The following TET3 variants were observed in gnomAD, a reference collection of about 807,000 sequenced individuals.
TET3 encodes the protein tet methylcytosine dioxygenase 3, also known as methylcytosine dioxygenase TET3.
Under a neutral mutation model 141.4 loss-of-function variants are expected in TET3, and 19 were observed. The observed-to-expected ratio is 0.13, with a 90% CI of 0.09 to 0.20. The LOEUF (loss-of-function observed/expected upper bound fraction) is 0.20. Among genes scored for constraint, TET3 ranks in the 10% least tolerant of loss-of-function variants. The pLI, the probability that TET3 is intolerant of heterozygous loss-of-function variation, is 1.00. For synonymous variants in TET3, 1,043 were observed against 980.9 expected, an observed-to-expected ratio of 1.06 and a Z score of -1.18; for missense variants, 1,874 against 2,356.9, an observed-to-expected ratio of 0.80 and a Z score of 4.24.
chr2:74,006,270 G>A (rs1014549547), intron 3 of TET3, among the ~76,000 whole-genome samples: 1 of 152,232 alleles, frequency 6.6e-6, no homozygotes, highest in African/African-American at 2.4e-5. Context: ...CTAGAGAAGT[G>A]AAGGAACTAA....
At chr2:74,078,573 T>C (rs1456757077) in intron 5 of TET3, among the ~76,000 whole-genome samples, 1 of 152,206 alleles carries the variant, frequency 6.6e-6, no homozygotes, top group Admixed American at 6.5e-5. Flanking sequence ...ATGTTAGACA[T>C]ATAAGTTGTT....
At chr2:74,100,019 C>T (rs1691088586) in intron 11 of TET3, among the ~76,000 whole-genome samples, 1 of 152,176 alleles carries the variant, frequency 6.6e-6, no homozygotes, top group East Asian at 1.9e-4. Flanking sequence ...TTCTCATTCT[C>T]CTGGCCCTGG....
intron 3 of TET3, among the ~76,000 whole-genome samples, chr2:74,015,250 G>A (rs1685667907): frequency 6.6e-6 from 1 of 152,204 alleles, no homozygotes; most frequent in Admixed American, 6.5e-5. Context: ...GGACTTTTGA[G>A]TTCAACCAAG....
At chr2:74,088,492 T>A (rs566077798) in intron 7 of TET3, among the ~76,000 whole-genome samples, 4 of 151,604 alleles carry the variant, frequency 2.6e-5, no homozygotes, top group African/African-American at 9.7e-5. Context: ...AATAAAAAAA[T>A]TAGTCAGGCG....
In TET3 at chr2:74,083,578, G is replaced by C. The variant is rs1689952487; in HGVS notation, c.2679+2987G>C. 2.0e-5 allele frequency among the ~76,000 whole-genome samples: 3 copies of C among 152,298 alleles called. No homozygotes were observed. In the South Asian group the frequency reaches 6.2e-4, roughly 32 times the overall value. ...GAGTTGGAGCCATCTCTCTTGCTCT[G>C]CTCAGGTATGGATGTGTTTGTGCCT... On this transcript the variant is annotated intron_variant, in intron 6 of 11. Coordinates refer to ENST00000409262, the MANE Select transcript of TET3 (RefSeq NM_001287491.2).
intron 3 of TET3, among the ~76,000 whole-genome samples, chr2:74,030,983 C>G (rs566515515): frequency 2.0e-5 from 3 of 151,768 alleles, no homozygotes; most frequent in African/African-American, 7.3e-5. Context: ...AAGGGATGTC[C>G]GGGGGGGAGT....
the TET3 span, among the ~76,000 whole-genome samples, chr2:74,124,255 G>A: frequency 1.3e-4 from 18 of 141,160 alleles, no homozygotes; most frequent in African/African-American, 4.4e-4. Flanking sequence ...CCCCGTCCGG[G>A]AGGGAGGTGG....
At chr2:74,000,037 A>C (rs148336780) in intron 2 of TET3, among the ~76,000 whole-genome samples, 4 of 151,904 alleles carry the variant, frequency 2.6e-5, no homozygotes, top group African/African-American at 9.7e-5. Context: ...CCACCGGGAG[A>C]TGAGTGGAGC....
intron 4 of TET3, among the ~76,000 whole-genome samples, chr2:74,057,335 A>T (rs1259180713): frequency 1.3e-5 from 2 of 152,186 alleles, no homozygotes; most frequent in Admixed American, 6.5e-5. Context: ...ATTTAGAGGC[A>T]TTGGCTCCAA....
chr2:74,039,552 A>G (rs963974535), intron 3 of TET3, among the ~76,000 whole-genome samples: 1 of 152,248 alleles, frequency 6.6e-6, no homozygotes, highest in Non-Finnish European at 1.5e-5. Flanking sequence ...ACCCCAAAAC[A>G]CAGTAGTATA....
chr2:74,002,954 G>A (rs1313425293), intron 2 of TET3, among the ~76,000 whole-genome samples, 156 bp from the exon 3 acceptor site: 1 of 152,204 alleles, frequency 6.6e-6, no homozygotes, highest in Non-Finnish European at 1.5e-5. Context: ...GGCAGCTGGA[G>A]GCAGGAAGAT....
chr2:73,989,519 C>G (rs757691374), intron 2 of TET3, among the ~76,000 whole-genome samples: 17 of 152,148 alleles, frequency 1.1e-4, no homozygotes, highest in Non-Finnish European at 1.9e-4. Context: ...CTGCTCCTCA[C>G]TCTTTTTCTC....
rs2103679574 is a variant in TET3, at chr2:74,046,831, C to T, written c.914C>T (p.Pro305Leu). ...MEGGEERPRL[P>L]GPLPPGEAGL... Reference sequence around the variant, plus strand: ...GGAGGGGAGGAGCGGCCCAGGCTCCCAGGGCCTCTGCCTCCTGGTGAGGCC... The same window carrying T: ...GGAGGGGAGGAGCGGCCCAGGCTCCTAGGGCCTCTGCCTCCTGGTGAGGCC... Residue 305 changes from proline (P) to leucine (L), a missense_variant, in exon 4 of 12, where the codon CCA becomes CTA. Pro to Leu is a moderately conservative substitution (Grantham distance 98). This residue lies in a region of TET3 where 366 missense variants were observed against 487.0 expected (regional missense o/e 0.75). Transcript: ENST00000409262. This position sits in a 1 kb window ranked among gnomAD's most constrained non-coding sequence, Gnocchi z 4.3. The T allele has an allele frequency of 1.2e-6, 2 of 1,613,344 alleles. No homozygotes were observed. Among genetic ancestry groups the T allele is most frequent in the Admixed American group, 1.7e-5 (1 of 60,028 alleles).
rs1691385338 is a variant in TET3 at position 74,104,258 on chromosome 2, C to T, written c.*2082C>T. ...ATTCTGTAAAGTTGCATTTATTTTA[C>T]AGGACAAAAAAATGAAATATTATTG... is the stretch of plus-strand genomic sequence containing the variant. On this transcript the variant is annotated 3_prime_UTR_variant, in exon 12 of 12. Transcript: ENST00000409262. 6.6e-6 allele frequency: 1 copy of T among 152,052 alleles called. No homozygotes were observed. Among genetic ancestry groups the T allele is most frequent in the Admixed American group, 6.5e-5 (1 of 15,278 alleles). 9.4% of individuals were successfully genotyped at this position (152,052 alleles called of 1,614,324 possible). A position where few individuals can be genotyped will look rare whatever the true frequency, so the allele number is the denominator to read the frequency against.
intron 4 of TET3, among the ~76,000 whole-genome samples, chr2:74,059,073 C>CA (rs1490236405): frequency 6.6e-6 from 1 of 152,156 alleles, no homozygotes; most frequent in Non-Finnish European, 1.5e-5. Flanking sequence ...AGTTTGCTGA[C>CA]CCCTGTCCTA....
At chr2:74,056,676 G>A (rs1041757849) in intron 4 of TET3, among the ~76,000 whole-genome samples, 4 of 152,044 alleles carry the variant, frequency 2.6e-5, no homozygotes, top group Non-Finnish European at 4.4e-5. Flanking sequence ...ATATTACCCT[G>A]GGGACTACAA....
intron 3 of TET3, among the ~76,000 whole-genome samples, chr2:74,029,917 C>T (rs540800029): frequency 6.6e-6 from 1 of 152,336 alleles, no homozygotes; most frequent in East Asian, 1.9e-4. Context: ...TCATCACATA[C>T]TCAAAACCAC....
At chr2:74,116,642 G>A in the TET3 span, among the ~76,000 whole-genome samples, 5 of 145,696 alleles carry the variant, frequency 3.4e-5, no homozygotes, top group South Asian at 2.2e-4. Context: ...CCCAGATAGC[G>A]CCACTTCACT....
Position 74,046,989 on chromosome 2 carries a change from A to G in TET3, c.1072A>G (p.Ile358Val). The G allele has an allele frequency of 6.2e-7, 1 of 1,613,876 alleles. No individual in the cohort carries two copies. Among genetic ancestry groups the G allele is most frequent in the Non-Finnish European group, 8.5e-7 (1 of 1,179,852 alleles). ...AAAAAACATCAGCTTGCAGACCGCC[A>G]TTGCCATTGAGGCCCTCACACAGCT... ...KEKNISLQTA[I>V]AIEALTQLSS... The change falls in exon 4 of 12, where the codon ATT (isoleucine) becomes GTT (valine). Residue 358 changes from isoleucine (I) to valine (V), a missense_variant. Around this residue, in one of 10 missense-constraint regions of TET3, gnomAD observed 366 missense variants for 487.0 expected, o/e 0.75. Coordinates refer to ENST00000409262, the MANE Select transcript of TET3 (RefSeq NM_001287491.2). The surrounding 1 kb of genome is among the most constrained non-coding windows in gnomAD (Gnocchi z 4.3).
Sources: gnomAD v4.1 joint callset for allele counts (sites outside exome capture counted in the v4.1 genomes callset) on GRCh38, gnomAD v4.1.1 for gene constraint, gnomAD v4.1.1 regional missense constraint, Gnocchi (gnomAD v3.1) non-coding constraint, MANE v1.5 for transcripts, NCBI Gene and HGNC (gene_info 2026-07-23, HGNC 2026-07-21) for gene names.